TECPR2: variants seen among roughly 807,000 people sequenced by gnomAD.
The protein encoded by TECPR2 is tectonin beta-propeller repeat containing 2.
Under a neutral mutation model 138.1 loss-of-function variants are expected in TECPR2, and 65 were observed. The observed-to-expected ratio is 0.47, with a 90% CI of 0.39 to 0.58. The LOEUF is 0.58. Among genes scored for constraint, TECPR2 ranks in the 20% least tolerant of loss-of-function variants. The probability of loss-of-function intolerance (pLI) is 0.00; values close to 1 mark genes in which losing one functional copy is unlikely to be tolerated. For missense variants in TECPR2, 1,553 were observed against 1,824.5 expected (o/e 0.85, Z 2.71); for synonymous variants, 746 against 749.8 (o/e 0.99, Z 0.08).
chr14:102,390,218 G>A (rs1888129820), intron 2 of TECPR2, among the ~76,000 whole-genome samples: 1 of 152,186 alleles, frequency 6.6e-6, no homozygotes, highest in Admixed American at 6.5e-5. Context: ...GCCTGCCAAG[G>A]AGGCTAAGAA....
intron 17 of TECPR2, among the ~76,000 whole-genome samples, chr14:102,490,598 A>AC (rs944840166): frequency 6.6e-6 from 1 of 151,918 alleles, no homozygotes; most frequent in African/African-American, 2.4e-5. Flanking sequence ...TGCCGCGACC[A>AC]CCCGGGGTGC....
At position 102,438,090 on chromosome 14, in the gene TECPR2, GTATATC is replaced by G. The variant is rs1408303316; in HGVS notation, c.2465_2470del (p.Tyr822_Ile823del). The stretch of plus-strand genomic sequence containing the variant: ...TCCTCAGCTTGGTGGTCTCCGAGAA[GTATATC>G]TGGTGCCTGGACTACAAAGGCGGCC... On this transcript the variant is annotated inframe_deletion, in exon 10 of 20. Transcript: ENST00000359520. The G allele has an allele frequency of 6.2e-7, 1 of 1,614,056 alleles. No individual in the cohort carries two copies. Among genetic ancestry groups the G allele is most frequent in the Non-Finnish European group, 8.5e-7 (1 of 1,180,046 alleles).
At chr14:102,487,110 T>G (rs1397808398) in intron 17 of TECPR2, among the ~76,000 whole-genome samples, 1 of 152,072 alleles carries the variant, frequency 6.6e-6, no homozygotes, top group East Asian at 1.9e-4. Flanking sequence ...GATTCAAGGT[T>G]AAAACAGGGA....
chr14:102,454,550 T>C (rs930240513), intron 16 of TECPR2, among the ~76,000 whole-genome samples: 24 of 152,264 alleles, frequency 1.6e-4, no homozygotes, highest in African/African-American at 5.5e-4. Flanking sequence ...TCACTGACAG[T>C]GACTGATAGA....
At chr14:102,454,787 T>G (rs530335172) in intron 16 of TECPR2, among the ~76,000 whole-genome samples, 1 of 152,202 alleles carries the variant, frequency 6.6e-6, no homozygotes, top group Non-Finnish European at 1.5e-5. Context: ...GAGGCTGTGT[T>G]CACCTGCACC....
chr14:102,465,743 T>A (rs1890538945), intron 17 of TECPR2: 1 of 739,758 alleles, frequency 1.4e-6, no homozygotes, highest in South Asian at 6.1e-5. Flanking sequence ...TCCAGCCCAC[T>A]GCTGGCCAGC....
chr14:102,447,659 T>C (rs1292889290), intron 13 of TECPR2, among the ~76,000 whole-genome samples: 2 of 151,968 alleles, frequency 1.3e-5, no homozygotes, highest in Non-Finnish European at 2.9e-5. Context: ...CTCAGCCTCC[T>C]GGGTAGCTGG....
chr14:102,441,268 C>T (rs1234266092), intron 11 of TECPR2, among the ~76,000 whole-genome samples: 1 of 151,942 alleles, frequency 6.6e-6, no homozygotes, highest in East Asian at 2.0e-4. Flanking sequence ...TGGAGTTTCA[C>T]TATGTCGGCC....
At chr14:102,446,960 C>A (rs1417882603) in intron 13 of TECPR2, among the ~76,000 whole-genome samples, 1 of 152,054 alleles carries the variant, frequency 6.6e-6, no homozygotes, top group East Asian at 1.9e-4. Flanking sequence ...GAAAGCCCAA[C>A]CCAGAATTAA....
chr14:102,411,929 G>C (rs1208518024), intron 4 of TECPR2, among the ~76,000 whole-genome samples: 2 of 151,870 alleles, frequency 1.3e-5, no homozygotes, highest in African/African-American at 4.8e-5. Flanking sequence ...TGCTTTAAAG[G>C]TTACGGTGAC....
At chr14:102,366,060 AC>A (rs2139644825) in intron 1 of TECPR2, among the ~76,000 whole-genome samples, 1 of 152,308 alleles carries the variant, frequency 6.6e-6, no homozygotes. Context: ...GAATCCTGAA[AC>A]CATTAGTGTA....
intron 17 of TECPR2, among the ~76,000 whole-genome samples, chr14:102,487,577 T>G (rs1289684966): frequency 2.0e-5 from 3 of 152,170 alleles, no homozygotes; most frequent in Non-Finnish European, 4.4e-5. Context: ...AGTCTCGCTC[T>G]CTCCCCCAAG....
At chr14:102,481,646 G>A (rs1388592081) in intron 17 of TECPR2, among the ~76,000 whole-genome samples, 1 of 152,186 alleles carries the variant, frequency 6.6e-6, no homozygotes, top group Non-Finnish European at 1.5e-5. Context: ...TCAGTAGGTT[G>A]ACATGTCAGT....
Position 102,434,704 on chromosome 14 carries a change from C to A in TECPR2, c.1887C>A (p.Asp629Glu). 6.2e-7 allele frequency: 1 copy of A among 1,613,638 alleles called. No homozygotes were observed. Among genetic ancestry groups the A allele is most frequent in the Non-Finnish European group, 8.5e-7 (1 of 1,179,916 alleles). Residue 629 changes from aspartate to glutamate, a missense_variant, in exon 9 of 20, where the codon GAC (aspartate) becomes GAA (glutamate). Physicochemically the swap from Asp to Glu is conservative, Grantham distance 45. Coordinates refer to ENST00000359520, the MANE Select transcript of TECPR2 (RefSeq NM_014844.5). ...CTCCTGGGGCGCATGATGGGGAAGA[C>A]ATCCAACCCATTGGCCCCCAAAGCA... ...DSSPGAHDGE[D>E]IQPIGPQSTF...
intron 17 of TECPR2, among the ~76,000 whole-genome samples, chr14:102,488,371 C>T (rs1891084415): frequency 1.4e-5 from 2 of 146,972 alleles, no homozygotes; most frequent in African/African-American, 2.5e-5. Context: ...CGTAGTTTCA[C>T]TCTTTTTGCC....
intron 4 of TECPR2, among the ~76,000 whole-genome samples, chr14:102,411,204 C>T (rs544811233): frequency 2.6e-3 from 389 of 152,186 alleles, no homozygotes; most frequent in African/African-American, 8.9e-3. Context: ...ATTCTCTCTC[C>T]ATACCACCCC....
At chr14:102,467,774 C>T (rs550243686) in intron 17 of TECPR2, among the ~76,000 whole-genome samples, 1 of 151,976 alleles carries the variant, frequency 6.6e-6, no homozygotes, top group East Asian at 1.9e-4. Flanking sequence ...TGATATTGAA[C>T]ATCCCTCTTT....
chr14:102,484,501 C>G (rs552681676), intron 17 of TECPR2, among the ~76,000 whole-genome samples: 2 of 152,246 alleles, frequency 1.3e-5, no homozygotes, highest in African/African-American at 4.8e-5. Flanking sequence ...CCTGTGGGCC[C>G]CGCGGGTCTC....
chr14:102,450,091 C>T (rs1007848852), intron 14 of TECPR2, among the ~76,000 whole-genome samples: 1 of 152,102 alleles, frequency 6.6e-6, no homozygotes, highest in Non-Finnish European at 1.5e-5. Flanking sequence ...TAGTGTTTCC[C>T]CTGGAAACCT....
Sources: gnomAD v4.1 joint callset for allele counts (sites outside exome capture counted in the v4.1 genomes callset) on GRCh38, gnomAD v4.1.1 for gene constraint, MANE v1.5 for transcripts, NCBI Gene and HGNC (gene_info 2026-07-23, HGNC 2026-07-21) for gene names.